The following PC variants were observed in gnomAD, a reference collection of about 807,000 sequenced individuals.
PC encodes pyruvate carboxylase.
Under a neutral mutation model 107.8 loss-of-function variants are expected in PC, and 46 were observed. That is an observed-to-expected ratio of 0.43 (90% CI 0.34 to 0.55). PC has a LOEUF of 0.55. PC is among the 20% of genes least tolerant of loss of function. The pLI is 0.04. For synonymous variants in PC, 662 were observed against 684.7 expected (o/e 0.97, Z 0.52); for missense variants, 1,241 against 1,643.1 (o/e 0.76, Z 4.23).
At chr11:66,942,088 G>A (rs1187442122) in intron 3 of PC, among the ~76,000 whole-genome samples, 6 of 134,186 alleles carry the variant, frequency 4.5e-5, no homozygotes, top group Admixed American at 7.6e-5. Context: ...GGCAACAAGA[G>A]TGAAACTCCA....
At chr11:66,876,255 A>G (rs1449442234) in intron 3 of PC, among the ~76,000 whole-genome samples, 1 of 152,236 alleles carries the variant, frequency 6.6e-6, no homozygotes, top group African/African-American at 2.4e-5. Context: ...GAACAGCCTC[A>G]TTCTTAGGGA....
At chr11:66,937,275 GT>G (rs1361451955) in intron 3 of PC, among the ~76,000 whole-genome samples, 1 of 152,136 alleles carries the variant, frequency 6.6e-6, no homozygotes, top group Non-Finnish European at 1.5e-5. Flanking sequence ...ACAGTTGAAG[GT>G]TTTGCCTTCA....
intron 3 of PC, among the ~76,000 whole-genome samples, chr11:66,942,195 G>A (rs1372032035): frequency 5.3e-5 from 8 of 151,056 alleles, no homozygotes; most frequent in African/African-American, 9.8e-5. Flanking sequence ...TCAGGAGATC[G>A]AGACCATCCT....
chr11:66,860,829 A>G (rs1284331593), intron 12 of PC, among the ~76,000 whole-genome samples: 1 of 152,228 alleles, frequency 6.6e-6, no homozygotes, highest in Non-Finnish European at 1.5e-5. Context: ...CGGGGCGGAC[A>G]CAGGACTGGA....
intron 3 of PC, among the ~76,000 whole-genome samples, chr11:66,890,636 G>A (rs1398382160): frequency 6.6e-6 from 1 of 151,622 alleles, no homozygotes. Context: ...GAGTAGCTGG[G>A]ACTACAGGCA....
chr11:66,923,567 G>C (rs1948644280), intron 3 of PC, among the ~76,000 whole-genome samples: 1 of 151,616 alleles, frequency 6.6e-6, no homozygotes, highest in Admixed American at 6.6e-5. Context: ...CTGGAGCGTA[G>C]TAGTGGCGCG....
chr11:66,863,749 G>A, intron 12 of PC, 25 bp downstream of exon 12: 2 of 1,593,490 alleles, frequency 1.3e-6, no homozygotes, highest in Non-Finnish European at 1.7e-6. Flanking sequence ...GGGAGCAAAG[G>A]CAGGCGGGGG....
rs370248734 is a variant in PC at position 66,852,761 on chromosome 11, G to A, written c.1589C>T (p.Pro530Leu). The A allele has an allele frequency of 8.9e-5, 143 of 1,606,124 alleles. No homozygotes were observed. Among genetic ancestry groups the A allele is most frequent in the Non-Finnish European group, 5.5e-5 (64 of 1,174,186 alleles). The change falls in exon 14 of 23, where the codon CCT becomes CTT. Residue 530 changes from proline (P) to leucine (L), a missense_variant. This residue lies in a region of PC where 1,143 missense variants were observed against 1,551.9 expected (regional missense o/e 0.74). Transcript: ENST00000393960. The surrounding 1 kb of genome is among the most constrained non-coding windows in gnomAD (Gnocchi z 4.7). Reference sequence around the variant, plus strand: ...ATCTCACCTACCTATGGGCACTGCAGGGACAACGGGGTCCGTGGGGCTGGG... The same window carrying A: ...ATCTCACCTACCTATGGGCACTGCAAGGACAACGGGGTCCGTGGGGCTGGG... Reference protein sequence around the residue: ...ASPSPTDPVVPAVPIGPPPAG... With the variant: ...ASPSPTDPVVLAVPIGPPPAG...
At chr11:66,849,492 G>A (rs1448331055) in intron 21 of PC, 119 bp downstream of exon 21, 57 of 1,602,346 alleles carry the variant, frequency 3.6e-5, no homozygotes, top group East Asian at 8.9e-5. Flanking sequence ...CCTAGCTCCC[G>A]GTCTCAAGGG....
intron 3 of PC, among the ~76,000 whole-genome samples, chr11:66,936,047 C>T (rs1591302789): frequency 6.7e-6 from 1 of 149,806 alleles, no homozygotes; most frequent in South Asian, 2.1e-4. Flanking sequence ...CCACTGCACT[C>T]CAGCATGAGT....
intron 3 of PC, among the ~76,000 whole-genome samples, chr11:66,936,258 A>C (rs550424835): frequency 5.9e-4 from 90 of 151,458 alleles, no homozygotes; most frequent in South Asian, 1.9e-3. Context: ...CACACACACA[A>C]AAAAAAGGTG....
chr11:66,941,199 T>A (rs1225793969), intron 3 of PC, among the ~76,000 whole-genome samples: 1 of 151,190 alleles, frequency 6.6e-6, no homozygotes, highest in African/African-American at 2.4e-5. Context: ...AACAACAAAG[T>A]GTTGGTGAGG....
At position 66,849,160 on chromosome 11, in the gene PC, G is replaced by A; in HGVS notation, c.3289-13C>T. 6.2e-7 allele frequency: 1 copy of A among 1,613,824 alleles called. No homozygotes were observed. The highest frequency in any genetic ancestry group is 8.5e-7 in the Non-Finnish European group (1 of 1,180,042). On this transcript the variant is annotated splice_polypyrimidine_tract_variant and intron_variant, in intron 22 of 22. Transcript: ENST00000393960. ...GGAAGTGCATCTCCTGAAGACACAG[G>A]GCAGAGGGGACATGACATCCTGGGC...
At position 66,870,112 on chromosome 11, in the gene PC, C is replaced by A. The variant is rs1946661405; in HGVS notation, c.903+190G>T. On this transcript the variant is annotated intron_variant, in intron 9 of 22. Coordinates refer to ENST00000393960, the MANE Select transcript of PC (RefSeq NM_001040716.2). This position sits in a 1 kb window ranked among gnomAD's most constrained non-coding sequence, Gnocchi z 6.1. ...CTAAGCTTGGCCTCTGGGCCAGGTGCCTCAACTGCACATGGGAAGGATGCC... is the reference window on the plus strand; with the variant it reads ...CTAAGCTTGGCCTCTGGGCCAGGTGACTCAACTGCACATGGGAAGGATGCC... Among the ~76,000 whole-genome samples the A allele has an allele frequency of 6.6e-6, 1 of 152,154 alleles. No individual in the cohort carries two copies. The highest frequency in any genetic ancestry group is 2.4e-5 in the African/African-American group (1 of 41,426).
intron 3 of PC, among the ~76,000 whole-genome samples, chr11:66,873,513 TTATATTATATATTATAATA>T (rs1946854431): frequency 1.1e-3 from 2 of 1,822 alleles, no homozygotes; most frequent in South Asian, 0.059. Context: ...ATATTATATA[TTATATTATATATTATAATA>T]TATATTATAT....
intron 12 of PC, 77 bp from the exon 13 acceptor site, chr11:66,853,460 G>C (rs1357759651): frequency 6.4e-7 from 1 of 1,561,864 alleles, no homozygotes; most frequent in Non-Finnish European, 8.8e-7. Context: ...GGCTGAAAGA[G>C]AAAAGGCTGA....
chr11:66,895,047 CAGTT>C (rs1418767248), intron 3 of PC, among the ~76,000 whole-genome samples: 1 of 147,276 alleles, frequency 6.8e-6, no homozygotes, highest in African/African-American at 2.5e-5. Flanking sequence ...AAAAAAATAG[CAGTT>C]AGACCCCTAC....
At chr11:66,915,140 C>CAGGG (rs1039863920) in intron 3 of PC, among the ~76,000 whole-genome samples, 1 of 150,674 alleles carries the variant, frequency 6.6e-6, no homozygotes, top group East Asian at 2.0e-4. Flanking sequence ...AGACTCCAGC[C>CAGGG]AGGGAGGGAG....
At chr11:66,949,139 C>T (rs943463583) in intron 3 of PC, among the ~76,000 whole-genome samples, 1 of 150,846 alleles carries the variant, frequency 6.6e-6, no homozygotes, top group Non-Finnish European at 1.5e-5. Flanking sequence ...ATTACAGGCG[C>T]GTGACCACCA....
Sources: allele counts gnomAD v4.1 joint callset (sites outside exome capture counted in the v4.1 genomes callset), GRCh38; gene constraint gnomAD v4.1.1; regional missense constraint gnomAD v4.1.1; non-coding constraint Gnocchi (gnomAD v3.1); transcripts MANE v1.5; gene names NCBI Gene and HGNC (gene_info 2026-07-23, HGNC 2026-07-21).